CDHR3: variants seen among roughly 807,000 people sequenced by gnomAD.
CDHR3 encodes the protein cadherin related family member 3.
A neutral mutation model predicts 86.6 loss-of-function variants in CDHR3; 79 were observed. The observed-to-expected ratio is 0.91, with a 90% confidence interval of 0.76 to 1.10. The LOEUF (loss-of-function observed/expected upper bound fraction) is 1.10. Among genes scored for constraint, CDHR3 ranks in the 50% least tolerant of loss-of-function variants. The probability of loss-of-function intolerance (pLI) is 0.00; values close to 1 mark genes in which losing one functional copy is unlikely to be tolerated. For synonymous variants in CDHR3, 421 were observed against 402.4 expected, an observed-to-expected ratio of 1.05 and a Z score of -0.55; for missense variants, 1,081 against 1,077.6, an observed-to-expected ratio of 1.00 and a Z score of -0.04.
At chr7:105,990,314 A>G (rs540224191) in intron 4 of CDHR3, among the ~76,000 whole-genome samples, 56 of 152,184 alleles carry the variant, frequency 3.7e-4, no homozygotes, top group Non-Finnish European at 6.5e-4. Context: ...CCTCAGAACA[A>G]TGAACCACGA....
intron 13 of CDHR3, 76 bp downstream of exon 13, chr7:106,020,620 C>T: frequency 6.7e-7 from 1 of 1,498,832 alleles, no homozygotes; most frequent in Non-Finnish European, 9.0e-7. Flanking sequence ...GGTCTGTGCT[C>T]ACACACTGAT....
At chr7:106,025,981 C>A (rs1295306800) in intron 15 of CDHR3, among the ~76,000 whole-genome samples, 1 of 152,144 alleles carries the variant, frequency 6.6e-6, no homozygotes, top group Non-Finnish European at 1.5e-5. Context: ...GACACTGCAA[C>A]TCTCATGTAA....
chr7:106,017,572 C>CACAG (rs1554527231), intron 11 of CDHR3, among the ~76,000 whole-genome samples: 6 of 144,134 alleles, frequency 4.2e-5, no homozygotes, highest in African/African-American at 1.6e-4. Context: ...CAGACACACA[C>CACAG]ACACACACAC....
Position 106,024,405 on chromosome 7 carries a change from A to T in CDHR3, c.2101A>T (p.Arg701Trp). 6.2e-7 allele frequency: 1 copy of T among 1,613,992 alleles called. No homozygotes were observed. Among genetic ancestry groups the T allele is most frequent in the African/African-American group, 1.3e-5 (1 of 75,046 alleles). The change falls in exon 15 of 19, where the codon AGG (arginine) becomes TGG (tryptophan). Residue 701 changes from arginine (R) to tryptophan (W), a missense_variant. By Grantham distance (101) the Arg-to-Trp change is moderately radical (BLOSUM62 -3). Transcript: ENST00000317716. ...PRPRVTYQVL[R>W]KNVYSPSAWY... The stretch of plus-strand genomic sequence containing the variant: ...GCCCAGGGTCACCTATCAGGTCCTG[A>T]GGAAAAACGTTTACTCTCCATCTGC...
At position 106,035,220 on chromosome 7, in the gene CDHR3, C is replaced by T. The variant is rs1838820327; in HGVS notation, c.*2523C>T. Among the ~76,000 whole-genome samples, 2 of 152,192 alleles carry T rather than the reference C, an allele frequency of 1.3e-5. No individual in the cohort carries two copies. The highest frequency in any genetic ancestry group is 4.1e-4 in the South Asian group (2 of 4,832). Reference sequence around the variant, plus strand: ...TAAGTCAGGCACCAAGAGGGACTTCCTGAAGCCTGGGGCCTCTCTGAAGAG... The same window carrying T: ...TAAGTCAGGCACCAAGAGGGACTTCTTGAAGCCTGGGGCCTCTCTGAAGAG... On this transcript the variant is annotated 3_prime_UTR_variant, in exon 19 of 19. Transcript: ENST00000317716.
At chr7:105,999,221 C>T (rs1362280038) in intron 6 of CDHR3, among the ~76,000 whole-genome samples, 1 of 152,274 alleles carries the variant, frequency 6.6e-6, no homozygotes, top group African/African-American at 2.4e-5. Flanking sequence ...ATATTTTATA[C>T]ATACCTGTAT....
In CDHR3 at chr7:106,032,548, A is replaced by C; in HGVS notation, c.2509A>C (p.Asn837His). 1 of 1,613,990 alleles carries C rather than the reference A, an allele frequency of 6.2e-7. No individual in the cohort carries two copies. The highest frequency in any genetic ancestry group is 8.5e-7 in the Non-Finnish European group (1 of 1,179,868). The change falls in exon 19 of 19, where the codon AAC (asparagine) becomes CAC (histidine). Residue 837 changes from asparagine (N) to histidine (H), a missense_variant. Asn to His is a moderately conservative substitution (Grantham distance 68). Transcript: ENST00000317716. The part of the protein sequence containing the change: ...GEGMGSLRSA[N>H]WEEDELSGKA... ...AGGGATGGGGTCACTGAGAAGTGCC[A>C]ACTGGGAAGAAGATGAGCTGAGTGG...
intron 10 of CDHR3, among the ~76,000 whole-genome samples, chr7:106,015,503 G>A (rs1391411277): frequency 6.6e-6 from 1 of 151,920 alleles, no homozygotes; most frequent in African/African-American, 2.4e-5. Context: ...TTCGGTTGCT[G>A]CTTAATTCTC....
intron 2 of CDHR3, among the ~76,000 whole-genome samples, chr7:105,975,508 C>T (rs1179885125): frequency 1.3e-5 from 2 of 152,164 alleles, no homozygotes; most frequent in East Asian, 3.8e-4. Context: ...CACCCTTTAA[C>T]AAAAATATAA....
At chr7:105,989,959 A>C (rs1161766094) in intron 4 of CDHR3, among the ~76,000 whole-genome samples, 2 of 152,188 alleles carry the variant, frequency 1.3e-5, no homozygotes, top group East Asian at 3.9e-4. Flanking sequence ...AAGTCTTAGC[A>C]AAAGGCATTC....
chr7:106,000,920 C>CAAGGAAGAAAAAAAAGTG (rs1563267836), intron 6 of CDHR3, among the ~76,000 whole-genome samples: 3 of 135,072 alleles, frequency 2.2e-5, no homozygotes, highest in African/African-American at 8.3e-5. Context: ...AAAAAAAAGA[C>CAAGGAAGAAAAAAAAGTG]AAGGAAGAAA....
At chr7:105,983,897 T>TCA (rs1830149745) in intron 3 of CDHR3, among the ~76,000 whole-genome samples, 1 of 152,252 alleles carries the variant, frequency 6.6e-6, no homozygotes, top group Non-Finnish European at 1.5e-5. Context: ...CTCTGCCCTA[T>TCA]CACCTCCTTC....
intron 15 of CDHR3, among the ~76,000 whole-genome samples, chr7:106,025,076 C>T (rs532440442): frequency 6.6e-6 from 1 of 152,244 alleles, no homozygotes; most frequent in East Asian, 1.9e-4. Flanking sequence ...GGGTTGTAAA[C>T]GCAGGCCTGT....
Position 106,032,857 on chromosome 7 carries a change from A to G in CDHR3, c.*160A>G. On this transcript the variant is annotated 3_prime_UTR_variant, in exon 19 of 19. Coordinates refer to ENST00000317716, the MANE Select transcript of CDHR3 (RefSeq NM_152750.5). ...GTTTGACAAATTTTTAAACAAATAG[A>G]AAGGGGTTTGATCACATAGTTGCGT... 1 of 666,618 alleles carries G rather than the reference A, an allele frequency of 1.5e-6. No individual in the cohort carries two copies. The highest frequency in any genetic ancestry group is 2.5e-6 in the Non-Finnish European group (1 of 399,916). 41.3% of individuals were successfully genotyped at this position (666,618 alleles called of 1,614,324 possible).
In CDHR3 at chr7:106,004,639, T is replaced by C. The variant is rs775446418; in HGVS notation, c.1004T>C (p.Val335Ala). The C allele has an allele frequency of 6.2e-7, 1 of 1,614,046 alleles. No homozygotes were observed. Among genetic ancestry groups the C allele is most frequent in the Non-Finnish European group, 8.5e-7 (1 of 1,179,896 alleles). ...AATCGCATCCAGATAACCTTCATTG[T>C]GGAAGACGTCAACGACAATCCTGCC... ...QENRIQITFI[V>A]EDVNDNPATC... Residue 335 changes from valine (V) to alanine (A), a missense_variant, in exon 8 of 19, where the codon GTG (valine) becomes GCG (alanine). Val to Ala is a moderately conservative substitution (Grantham distance 64, BLOSUM62 0). Coordinates refer to ENST00000317716, the MANE Select transcript of CDHR3 (RefSeq NM_152750.5).
chr7:106,030,254 C>T lies in CDHR3; in HGVS notation c.2305-538C>T, dbSNP rs969920095. On this transcript the variant is annotated intron_variant, in intron 17 of 18. Transcript: ENST00000317716. This position sits in a 1 kb window ranked among gnomAD's most constrained non-coding sequence, Gnocchi z 4.8. ...ATCAGGGAAGAGAAAAGACCTGGAG[C>T]ACAGGGCTTAGGTGAGGCCCAGATG... is the stretch of plus-strand genomic sequence containing the variant. 6.6e-6 allele frequency among the ~76,000 whole-genome samples: 1 copy of T among 152,226 alleles called. No individual in the cohort carries two copies. Among genetic ancestry groups the T allele is most frequent in the Non-Finnish European group, 1.5e-5 (1 of 68,038 alleles).
At position 105,996,269 on chromosome 7, in the gene CDHR3, G is replaced by C; in HGVS notation, c.628G>C (p.Val210Leu). ...TGGCAGTTTCCATCTCATCGTGGAGGTGAGGGACAGTGGAGGCCTCAAAGC... is the reference window on the plus strand; with the variant it reads ...TGGCAGTTTCCATCTCATCGTGGAGCTGAGGGACAGTGGAGGCCTCAAAGC... Reference protein sequence around the residue: ...GHRSFHLIVEVRDSGGLKAST... With the variant: ...GHRSFHLIVELRDSGGLKAST... The change falls in exon 6 of 19, where the codon GTG becomes CTG. Residue 210 changes from valine to leucine, a missense_variant. Transcript: ENST00000317716. The C allele has an allele frequency of 6.3e-7, 1 of 1,591,924 alleles. No homozygotes were observed. The highest frequency in any genetic ancestry group is 8.6e-7 in the Non-Finnish European group (1 of 1,161,414).
intron 15 of CDHR3, 89 bp from the exon 16 acceptor site, chr7:106,026,593 T>C: frequency 7.3e-7 from 1 of 1,366,094 alleles, no homozygotes; most frequent in Non-Finnish European, 1.0e-6. Flanking sequence ...TCAAAGGGCA[T>C]AGTTGCCCAA....
intron 18 of CDHR3, among the ~76,000 whole-genome samples, chr7:106,031,496 T>C (rs1424780990): frequency 6.6e-6 from 1 of 152,240 alleles, no homozygotes; most frequent in Non-Finnish European, 1.5e-5. Flanking sequence ...GTTGGCTTCC[T>C]GCCACCCTCA....
Sources: allele counts gnomAD v4.1 joint callset (sites outside exome capture counted in the v4.1 genomes callset), GRCh38; gene constraint gnomAD v4.1.1; non-coding constraint Gnocchi (gnomAD v3.1); transcripts MANE v1.5; gene names NCBI Gene and HGNC (gene_info 2026-07-23, HGNC 2026-07-21).